Variants in GLRA2 observed in about 807,000 individuals in gnomAD.
The protein encoded by GLRA2 is glycine receptor alpha 2.
GLRA2 carries 11 observed loss-of-function variants against 31.6 expected under a neutral mutation model. The ratio of observed to expected loss-of-function variants is 0.35; its 90% CI spans 0.22 to 0.58. The LOEUF (loss-of-function observed/expected upper bound fraction) is 0.58. GLRA2 is among the 20% of genes least tolerant of loss of function. The pLI is 0.84. For missense variants in GLRA2, 212 were observed against 351.8 expected, an observed-to-expected ratio of 0.60 and a Z score of 3.18; for synonymous variants, 132 against 134.0, an observed-to-expected ratio of 0.99 and a Z score of 0.10.
chrX:14,541,967 G>A (rs923996474), intron 2 of GLRA2, among the ~76,000 whole-genome samples: 5 of 111,400 alleles, frequency 4.5e-5, no homozygotes, highest in Non-Finnish European at 7.6e-5. Flanking sequence ...AGCCACCTGA[G>A]AGTCTGGTTA....
chrX:14,474,154 C>A, the GLRA2 span, among the ~76,000 whole-genome samples: 27 of 111,516 alleles, frequency 2.4e-4, no homozygotes, highest in Non-Finnish European at 4.7e-4. Flanking sequence ...ATGTACAATC[C>A]GTTATATATT....
At chrX:14,558,385 T>G (rs1471916159) in intron 2 of GLRA2, among the ~76,000 whole-genome samples, 1 of 112,042 alleles carries the variant, frequency 8.9e-6, no homozygotes, top group Non-Finnish European at 1.9e-5. Context: ...TGGCAGCTGT[T>G]TAAAGTTGAC....
chrX:14,536,536 G>T (rs887291943), intron 2 of GLRA2, among the ~76,000 whole-genome samples: 3 of 112,151 alleles, frequency 2.7e-5, no homozygotes, highest in Non-Finnish European at 3.8e-5. Context: ...AAGCCTACAG[G>T]CACCTGAAAA....
At chrX:14,458,839 G>C in the GLRA2 span, among the ~76,000 whole-genome samples, 3 of 111,586 alleles carry the variant, frequency 2.7e-5, no homozygotes, top group Non-Finnish European at 5.7e-5. Flanking sequence ...TCACTCTGAT[G>C]GTAGTTTCTT....
At chrX:14,502,564 C>T in the GLRA2 span, among the ~76,000 whole-genome samples, 1 of 111,091 alleles carries the variant, frequency 9.0e-6, no homozygotes, top group Non-Finnish European at 1.9e-5. Context: ...TATTTAATAC[C>T]GAACCATTGC....
chrX:14,629,551 A>G (rs1460962640), intron 7 of GLRA2, among the ~76,000 whole-genome samples: 1 of 111,521 alleles, frequency 9.0e-6, no homozygotes, highest in African/African-American at 3.3e-5. Flanking sequence ...AACACCACTC[A>G]GGGGTTTTTA....
the GLRA2 span, among the ~76,000 whole-genome samples, chrX:14,461,604 G>A: frequency 9.0e-6 from 1 of 111,543 alleles, no homozygotes; most frequent in Non-Finnish European, 1.9e-5. Context: ...ATTATGTAAT[G>A]GCCTTTTTTG....
the GLRA2 span, among the ~76,000 whole-genome samples, chrX:14,500,360 C>T: frequency 8.9e-6 from 1 of 112,336 alleles, no homozygotes; most frequent in South Asian, 3.6e-4. Flanking sequence ...AGGGGATATC[C>T]CAGTAGTATG....
At chrX:14,531,681 C>T (rs2089257846) in intron 1 of GLRA2, among the ~76,000 whole-genome samples, 1 of 110,506 alleles carries the variant, frequency 9.0e-6, no homozygotes, top group African/African-American at 3.3e-5. Context: ...ATGAAATGTC[C>T]AAATGAAGGT....
At chrX:14,480,850 TTTGG>T in the GLRA2 span, among the ~76,000 whole-genome samples, 1 of 111,557 alleles carries the variant, frequency 9.0e-6, no homozygotes, top group Admixed American at 9.6e-5. Flanking sequence ...GGGCTTTTTG[TTTGG>T]TTGGTTGGTT....
the GLRA2 span, among the ~76,000 whole-genome samples, chrX:14,517,598 T>C: frequency 1.8e-5 from 2 of 111,844 alleles, no homozygotes; most frequent in Non-Finnish European, 3.8e-5. Flanking sequence ...ACCACCTTCG[T>C]GATTGAATTA....
chrX:14,488,324 C>A, the GLRA2 span, among the ~76,000 whole-genome samples: 2 of 112,135 alleles, frequency 1.8e-5, no homozygotes, highest in Non-Finnish European at 3.8e-5. Context: ...ACTTGAAGCC[C>A]CATTACCACA....
In GLRA2 at chrX:14,588,311, T is replaced by C. The variant is rs773223461; in HGVS notation, c.494+6905T>C. ...GGTAGTCCAGTTTCATTCTTCTGCA[T>C]ATGGCTAGCTAGTCATTCCAGCACC... On this transcript the variant is annotated intron_variant, in intron 4 of 8. Coordinates refer to ENST00000218075, the MANE Select transcript of GLRA2 (RefSeq NM_002063.4). 8.9e-5 allele frequency among the ~76,000 whole-genome samples: 10 copies of C among 112,161 alleles called. No homozygotes were observed. In the South Asian group the frequency reaches 1.1e-3, roughly 13 times the overall value.
At chrX:14,713,116 A>C (rs750818833) in intron 8 of GLRA2, among the ~76,000 whole-genome samples, 12 of 111,998 alleles carry the variant, frequency 1.1e-4, no homozygotes, top group Non-Finnish European at 1.7e-4. Context: ...AAGCACGATA[A>C]AGATCTAGAG....
chrX:14,580,273 T>C (rs2090001665), intron 3 of GLRA2, among the ~76,000 whole-genome samples: 1 of 112,464 alleles, frequency 8.9e-6, no homozygotes, highest in African/African-American at 3.2e-5. Context: ...AATGAATTAG[T>C]ATATATCACA....
At chrX:14,687,536 C>T (rs1016500484) in intron 7 of GLRA2, among the ~76,000 whole-genome samples, 18 of 111,585 alleles carry the variant, frequency 1.6e-4, no homozygotes, top group South Asian at 1.5e-3. Context: ...CTTCTCTTCT[C>T]GCTTCATTTC....
At chrX:14,640,280 C>T (rs749195237) in intron 7 of GLRA2, among the ~76,000 whole-genome samples, 1 of 110,857 alleles carries the variant, frequency 9.0e-6, no homozygotes, top group African/African-American at 3.3e-5. Flanking sequence ...CCTAACATTA[C>T]GTGGTAAACT....
intron 8 of GLRA2, among the ~76,000 whole-genome samples, chrX:14,692,500 TG>T (rs1317802981): frequency 2.7e-5 from 3 of 112,194 alleles, no homozygotes; most frequent in South Asian, 7.4e-4. Flanking sequence ...CTTTTACATA[TG>T]GTAATACTGC....
the GLRA2 span, among the ~76,000 whole-genome samples, chrX:14,474,908 G>A: frequency 1.8e-5 from 2 of 112,091 alleles, no homozygotes; most frequent in Non-Finnish European, 3.8e-5. Flanking sequence ...CAAATCTGAA[G>A]GACAGTCCAG....
Sources: gnomAD v4.1 joint callset for allele counts (sites outside exome capture counted in the v4.1 genomes callset) on GRCh38, gnomAD v4.1.1 for gene constraint, MANE v1.5 for transcripts, NCBI Gene and HGNC (gene_info 2026-07-23, HGNC 2026-07-21) for gene names.